Variants in GPR39 observed in about 807,000 individuals in gnomAD.
GPR39 encodes the protein G protein-coupled receptor 39.
In GPR39, 23 loss-of-function variants were observed where a neutral mutation model predicts 18.4. The ratio of observed to expected loss-of-function variants is 1.25; its 90% confidence interval spans 0.90 to 1.77. The LOEUF is 1.77. Among genes scored for constraint, GPR39 ranks in the 40% most tolerant of loss-of-function variants. GPR39 has a pLI of 0.00. For synonymous variants in GPR39, 280 were observed against 257.9 expected, an observed-to-expected ratio of 1.09 and a Z score of -0.82; for missense variants, 647 against 602.4, an observed-to-expected ratio of 1.07 and a Z score of -0.78.
intron 1 of GPR39, among the ~76,000 whole-genome samples, chr2:132,498,611 A>G (rs894181021): frequency 2.4e-4 from 37 of 152,312 alleles, no homozygotes; most frequent in African/African-American, 8.4e-4. Flanking sequence ...TGCTGGATCA[A>G]ACGGTTGACC....
chr2:132,577,329 C>CTTTTT (rs1680546979), intron 1 of GPR39, among the ~76,000 whole-genome samples: 1 of 150,160 alleles, frequency 6.7e-6, no homozygotes, highest in East Asian at 1.9e-4. Context: ...TGCACTCCAG[C>CTTTTT]CTGGGCCCTG....
At chr2:132,427,055 AAT>A (rs981631036) in intron 1 of GPR39, among the ~76,000 whole-genome samples, 5 of 145,812 alleles carry the variant, frequency 3.4e-5, no homozygotes, top group Non-Finnish European at 6.0e-5. Flanking sequence ...AAGTCATTTG[AAT>A]ATATATATAT....
intron 1 of GPR39, among the ~76,000 whole-genome samples, chr2:132,614,830 C>T (rs1681304481): frequency 6.6e-6 from 1 of 152,194 alleles, no homozygotes; most frequent in Admixed American, 6.5e-5. Context: ...CATGAGCCAC[C>T]ATGCCCGGCC....
chr2:132,502,301 G>C (rs1679056352), intron 1 of GPR39, among the ~76,000 whole-genome samples: 1 of 152,130 alleles, frequency 6.6e-6, no homozygotes, highest in Non-Finnish European at 1.5e-5. Flanking sequence ...GCGTTTGTTT[G>C]TTTGGAAAAG....
At chr2:132,528,990 C>T (rs1679560206) in intron 1 of GPR39, among the ~76,000 whole-genome samples, 1 of 152,164 alleles carries the variant, frequency 6.6e-6, no homozygotes, top group African/African-American at 2.4e-5. Context: ...GTACCAGGTT[C>T]ATCTCACTGG....
At chr2:132,501,054 G>GTTTTTTTTTTTTTTTTTTTTTT (rs55720929) in intron 1 of GPR39, among the ~76,000 whole-genome samples, 2 of 90,326 alleles carry the variant, frequency 2.2e-5, no homozygotes, top group Admixed American at 1.2e-4. Context: ...TATCTTTTGT[G>GTTTTTTTTTTTTTTTTTTTTTT]TTTTTTTTTT....
At chr2:132,441,982 G>GT (rs924975163) in intron 1 of GPR39, among the ~76,000 whole-genome samples, 5 of 151,984 alleles carry the variant, frequency 3.3e-5, no homozygotes, top group Non-Finnish European at 7.4e-5. Context: ...TGAAAATGCA[G>GT]TTTTTTTTCT....
chr2:132,585,480 G>C (rs1432731126), intron 1 of GPR39, among the ~76,000 whole-genome samples: 1 of 152,144 alleles, frequency 6.6e-6, no homozygotes, highest in Non-Finnish European at 1.5e-5. Flanking sequence ...CGCTTCTCCC[G>C]TGACTGATGT....
intron 1 of GPR39, among the ~76,000 whole-genome samples, chr2:132,617,435 C>T (rs1681356860): frequency 6.6e-6 from 1 of 152,086 alleles, no homozygotes; most frequent in Non-Finnish European, 1.5e-5. Context: ...CTTTAGAACA[C>T]TTTAGTCATT....
rs113320775 is a variant in GPR39 at position 132,501,393 on chromosome 2, T to G, written c.856+83495T>G. Among the ~76,000 whole-genome samples the G allele has an allele frequency of 6.1e-3, 922 of 152,264 alleles. 5 individuals are homozygous for G. The highest frequency in any genetic ancestry group is 6.5e-3 in the Non-Finnish European group (440 of 67,984). ...CCATGTATTTGCATGCTTTTGAGAG[T>G]TCCTTTTAGAGCTGATTTTCAATTT... On this transcript the variant is annotated intron_variant, in intron 1 of 1. Coordinates refer to ENST00000329321, the MANE Select transcript of GPR39 (RefSeq NM_001508.3).
intron 1 of GPR39, among the ~76,000 whole-genome samples, chr2:132,596,911 G>T (rs558845670): frequency 1.1e-4 from 16 of 152,318 alleles, no homozygotes; most frequent in Non-Finnish European, 2.2e-4. Flanking sequence ...GAACATGTTT[G>T]TTGTGCAAAG....
intron 1 of GPR39, among the ~76,000 whole-genome samples, chr2:132,609,770 T>G (rs1485573954): frequency 6.6e-6 from 1 of 152,208 alleles, no homozygotes; most frequent in African/African-American, 2.4e-5. Context: ...AAAACAAATC[T>G]GGGTCCCAGT....
At chr2:132,564,803 CTTTTTTCTTTTTT>C (rs1168831805) in intron 1 of GPR39, among the ~76,000 whole-genome samples, 4 of 91,708 alleles carry the variant, frequency 4.4e-5, no homozygotes, top group Non-Finnish European at 7.1e-5. Context: ...CTATTTTTTT[CTTTTTTCTTTTTT>C]TTTTTTTTTT....
intron 1 of GPR39, among the ~76,000 whole-genome samples, chr2:132,482,140 T>C (rs1466683820): frequency 5.9e-5 from 9 of 152,242 alleles, no homozygotes; most frequent in Non-Finnish European, 1.0e-4. Context: ...TGCCTGCCTG[T>C]CTGCCTCTCT....
intron 1 of GPR39, among the ~76,000 whole-genome samples, chr2:132,641,872 A>G (rs75771351): frequency 2.0e-5 from 3 of 152,228 alleles, no homozygotes; most frequent in Admixed American, 6.5e-5. Flanking sequence ...TCAAACTGAA[A>G]GTATGAATAG....
In GPR39 at chr2:132,591,267, A is replaced by C. The variant is rs564317174; in HGVS notation, c.857-53834A>C. Among the ~76,000 whole-genome samples, 114 of 121,196 alleles carry C rather than the reference A, an allele frequency of 9.4e-4. 1 individual carries two copies. Among genetic ancestry groups the C allele is most frequent in the Non-Finnish European group, 1.5e-3 (92 of 61,254 alleles). 79.5% of individuals were successfully genotyped at this position (121,196 alleles called of 152,430 possible). On this transcript the variant is annotated intron_variant, in intron 1 of 1. Transcript: ENST00000329321. Reference sequence around the variant, plus strand: ...AGCGAGACTCCGTCTCAAAAAAAAAAAAAAAAAAAACAAAAAAAAACAGAG... The same window carrying C: ...AGCGAGACTCCGTCTCAAAAAAAAACAAAAAAAAAACAAAAAAAAACAGAG...
At chr2:132,634,846 T>A (rs777447647) in intron 1 of GPR39, among the ~76,000 whole-genome samples, 1 of 152,216 alleles carries the variant, frequency 6.6e-6, no homozygotes, top group Non-Finnish European at 1.5e-5. Flanking sequence ...GTTATACCCA[T>A]TGACTTGCAT....
intron 1 of GPR39, among the ~76,000 whole-genome samples, chr2:132,434,901 C>G (rs1022188332): frequency 6.6e-6 from 1 of 152,072 alleles, no homozygotes; most frequent in African/African-American, 2.4e-5. Context: ...AGACACCACA[C>G]CAGAGGAAAT....
At position 132,476,727 on chromosome 2, in the gene GPR39, G is replaced by A. The variant is rs574501578; in HGVS notation, c.856+58829G>A. On this transcript the variant is annotated intron_variant, in intron 1 of 1. Coordinates refer to ENST00000329321, the MANE Select transcript of GPR39 (RefSeq NM_001508.3). ...ATGGCGGGAAAAGGAAGTGAGGTAG[G>A]GATGGAGGAAAAGCATATGATGCTT... Among the ~76,000 whole-genome samples the A allele has an allele frequency of 7.9e-5, 12 of 152,074 alleles. No homozygotes were observed. The South Asian group carries it at 2.3e-3, about 29-fold the overall frequency.
Sources: gnomAD v4.1 joint callset for allele counts (sites outside exome capture counted in the v4.1 genomes callset) on GRCh38, gnomAD v4.1.1 for gene constraint, MANE v1.5 for transcripts, NCBI Gene and HGNC (gene_info 2026-07-23, HGNC 2026-07-21) for gene names.